The following C10orf90 variants were observed in gnomAD, a reference collection of about 807,000 sequenced individuals.
The protein encoded by C10orf90 is chromosome 10 open reading frame 90, also known as (E2-independent) E3 ubiquitin-conjugating enzyme FATS.
A neutral mutation model predicts 62.5 loss-of-function variants in C10orf90; 56 were observed. That is an observed-to-expected ratio of 0.90 (90% CI 0.72 to 1.12). The LOEUF (loss-of-function observed/expected upper bound fraction) is 1.12, where lower values mean the gene tolerates loss of function less well. Ranked by LOEUF, C10orf90 falls within the 50% of genes most tolerant of loss-of-function variation. The probability of loss-of-function intolerance (pLI) is 0.00; values close to 1 mark genes in which losing one functional copy is unlikely to be tolerated. For synonymous variants in C10orf90, 386 were observed against 340.4 expected (o/e 1.13, Z -1.47); for missense variants, 970 against 880.4 (o/e 1.10, Z -1.29).
At position 126,670,312 on chromosome 10, in the gene C10orf90, T is replaced by C. The variant is rs1385606279; in HGVS notation, c.169A>G (p.Arg57Gly). The C allele has an allele frequency of 2.2e-6, 1 of 456,696 alleles. No individual in the cohort carries two copies. The highest frequency in any genetic ancestry group is 1.5e-5 in the South Asian group (1 of 64,568). The allele number at this position is 456,696 out of a possible 1,614,324, so 28.3% of individuals were successfully genotyped here. Reference sequence around the variant, plus strand: ...ATATGGATGATACAAACTTTGGCTCTTCTCTGGGAGGGAAACCAGTTACTC... The same window carrying C: ...ATATGGATGATACAAACTTTGGCTCCTCTCTGGGAGGGAAACCAGTTACTC... ...VKSNWFPSQR[R>G]AKVCIIHMCQ... Residue 57 changes from arginine to glycine, a missense_variant, in exon 1 of 10, where the codon AGA becomes GGA. By Grantham distance (125) the Arg-to-Gly change is moderately radical (BLOSUM62 -2). Transcript: ENST00000488181.
At chr10:126,636,191 C>T (rs1056058457) in intron 2 of C10orf90, among the ~76,000 whole-genome samples, 4 of 152,058 alleles carry the variant, frequency 2.6e-5, no homozygotes, top group South Asian at 4.1e-4. Context: ...ATCCTTGTAC[C>T]CCCTTGGAAG....
intron 2 of C10orf90, among the ~76,000 whole-genome samples, chr10:126,622,321 C>A (rs930469967): frequency 1.3e-5 from 2 of 152,188 alleles, no homozygotes; most frequent in Non-Finnish European, 2.9e-5. Context: ...TCAGACCCAA[C>A]TTTCCAATCT....
At chr10:126,663,692 CT>C (rs1011961721) in intron 1 of C10orf90, among the ~76,000 whole-genome samples, 1 of 152,076 alleles carries the variant, frequency 6.6e-6, no homozygotes, top group Non-Finnish European at 1.5e-5. Flanking sequence ...ATTCAGCTGG[CT>C]TTTTTGTGAC....
At chr10:126,540,500 A>T (rs958894067) in intron 2 of C10orf90, among the ~76,000 whole-genome samples, 3 of 152,112 alleles carry the variant, frequency 2.0e-5, no homozygotes, top group Admixed American at 1.3e-4. Context: ...CTCTACAAAA[A>T]GTTAAAAAGT....
intron 3 of C10orf90, among the ~76,000 whole-genome samples, chr10:126,510,338 C>G (rs1296206281): frequency 6.6e-6 from 1 of 152,104 alleles, no homozygotes; most frequent in Non-Finnish European, 1.5e-5. Context: ...CCTAAGTCAG[C>G]CGACTACTTT....
chr10:126,508,266 T>C (rs1862892991), intron 3 of C10orf90, among the ~76,000 whole-genome samples: 1 of 151,660 alleles, frequency 6.6e-6, no homozygotes, highest in Admixed American at 6.6e-5. Flanking sequence ...TGGGCCTAGG[T>C]TGCTCAGGAT....
intron 4 of C10orf90, among the ~76,000 whole-genome samples, chr10:126,485,564 A>C (rs1861384801): frequency 6.6e-6 from 1 of 152,192 alleles, no homozygotes; most frequent in Admixed American, 6.5e-5. Context: ...TCTAGTGGGA[A>C]AAATAGATTT....
chr10:126,643,003 A>G (rs1404906307), intron 2 of C10orf90, among the ~76,000 whole-genome samples: 1 of 152,218 alleles, frequency 6.6e-6, no homozygotes, highest in Non-Finnish European at 1.5e-5. Flanking sequence ...GGGCTCCAGA[A>G]GTTCTAGCCA....
chr10:126,572,439 G>T (rs1337094583), intron 2 of C10orf90, among the ~76,000 whole-genome samples: 1 of 152,196 alleles, frequency 6.6e-6, no homozygotes, highest in Non-Finnish European at 1.5e-5. Context: ...AGGGCTGCTG[G>T]TTGCTGATTT....
chr10:126,563,982 C>A (rs567188530), intron 2 of C10orf90, among the ~76,000 whole-genome samples: 1 of 152,262 alleles, frequency 6.6e-6, no homozygotes, highest in Non-Finnish European at 1.5e-5. Flanking sequence ...CTGTCCTGTG[C>A]CTTGTGGGAA....
intron 2 of C10orf90, among the ~76,000 whole-genome samples, chr10:126,527,428 T>G (rs2133950760): frequency 6.6e-6 from 1 of 152,328 alleles, no homozygotes; most frequent in South Asian, 2.1e-4. Flanking sequence ...TCTTAGGATT[T>G]CTGGGGAAAA....
intron 2 of C10orf90, among the ~76,000 whole-genome samples, chr10:126,570,926 A>G (rs539755755): frequency 1.3e-5 from 2 of 152,258 alleles, no homozygotes; most frequent in South Asian, 4.1e-4. Flanking sequence ...TCCCAGAAAC[A>G]TATTTTCTCA....
chr10:126,497,777 G>T (rs1268428393), intron 4 of C10orf90, among the ~76,000 whole-genome samples: 1 of 152,170 alleles, frequency 6.6e-6, no homozygotes, highest in Non-Finnish European at 1.5e-5. Flanking sequence ...GTTGCAGTAT[G>T]AAAGCAGCCA....
rs528625224 is a variant in C10orf90 at position 126,529,249 on chromosome 10, G to A, written c.314-15310C>T. Reference sequence around the variant, plus strand: ...ATAATCTAAAACCTTAAACGCAAAAGGTAAAACTTTAAAACATTCTTTAAA... The same window carrying A: ...ATAATCTAAAACCTTAAACGCAAAAAGTAAAACTTTAAAACATTCTTTAAA... On this transcript the variant is annotated intron_variant, in intron 2 of 9. Coordinates refer to ENST00000488181, the MANE Select transcript of C10orf90 (RefSeq NM_001350921.2). 1.9e-4 allele frequency among the ~76,000 whole-genome samples: 29 copies of A among 152,000 alleles called. No individual in the cohort carries two copies. In the South Asian group the frequency reaches 5.6e-3, roughly 29 times the overall value.
At chr10:126,558,797 G>A (rs972635977) in intron 2 of C10orf90, among the ~76,000 whole-genome samples, 3 of 152,240 alleles carry the variant, frequency 2.0e-5, no homozygotes, top group Non-Finnish European at 4.4e-5. Flanking sequence ...CCCAACCAGA[G>A]TTGGGCTCCC....
At chr10:126,625,319 T>C (rs534089485) in intron 2 of C10orf90, among the ~76,000 whole-genome samples, 1 of 152,284 alleles carries the variant, frequency 6.6e-6, no homozygotes, top group East Asian at 1.9e-4. Flanking sequence ...ATTGCAGAAC[T>C]TGTAGAAATA....
At chr10:126,654,412 A>G (rs2133862847) in intron 1 of C10orf90, among the ~76,000 whole-genome samples, 1 of 152,220 alleles carries the variant, frequency 6.6e-6, no homozygotes, top group Admixed American at 6.5e-5. Context: ...ATTTCTTTAA[A>G]CCTCATGAAC....
At chr10:126,615,051 C>G (rs1845512992) in intron 2 of C10orf90, among the ~76,000 whole-genome samples, 2 of 152,238 alleles carry the variant, frequency 1.3e-5, no homozygotes, top group South Asian at 2.1e-4. Flanking sequence ...TGCCTGGGTC[C>G]TCGGCTGGGA....
In C10orf90 at chr10:126,641,819, ATCAT is replaced by A. The variant is rs1246770892; in HGVS notation, c.313+4742_313+4745del. ...CTCCTTTCGTGTTCAGATCCTATTA[ATCAT>A]AGTAAACTAATCTTTTACACAGGCC... On this transcript the variant is annotated intron_variant, in intron 2 of 9. Transcript: ENST00000488181. Among the ~76,000 whole-genome samples the A allele has an allele frequency of 1.1e-4, 16 of 152,292 alleles. 1 individual carries two copies. Among genetic ancestry groups the A allele is most frequent in the African/African-American group, 3.6e-4 (15 of 41,564 alleles).
Sources: allele counts gnomAD v4.1 joint callset (sites outside exome capture counted in the v4.1 genomes callset), GRCh38; gene constraint gnomAD v4.1.1; transcripts MANE v1.5; gene names NCBI Gene and HGNC (gene_info 2026-07-23, HGNC 2026-07-21).